Variants in CATSPERT observed in about 807,000 individuals in gnomAD.
CATSPERT encodes the protein catsper channel auxiliary subunit tau, also known as cation channel sperm-associated targeting subunit tau.
the CATSPERT span, among the ~76,000 whole-genome samples, chr2:201,536,913 T>C: frequency 2.0e-5 from 3 of 151,914 alleles, no homozygotes; most frequent in Non-Finnish European, 4.4e-5. Context: ...AATCATTAAA[T>C]CCTACTTGTC....
chr2:201,612,602 C>T, the CATSPERT span, among the ~76,000 whole-genome samples: 2 of 145,498 alleles, frequency 1.4e-5, no homozygotes, highest in Non-Finnish European at 3.0e-5. Flanking sequence ...AAAAAAAAGC[C>T]AAGATAGCCA....
At chr2:201,583,253 T>A in the CATSPERT span, among the ~76,000 whole-genome samples, 1 of 152,068 alleles carries the variant, frequency 6.6e-6, no homozygotes, top group Non-Finnish European at 1.5e-5. Context: ...CAAGACATGA[T>A]ACATTTAACA....
chr2:201,501,395 CAA>C, the CATSPERT span, among the ~76,000 whole-genome samples: 188 of 46,588 alleles, frequency 4.0e-3, no homozygotes, highest in African/African-American at 0.015. Flanking sequence ...AACTCCATCT[CAA>C]AAAAAAAAAA....
chr2:201,608,943 A>G, the CATSPERT span, among the ~76,000 whole-genome samples: 288 of 152,200 alleles, frequency 1.9e-3, 1 homozygote, highest in African/African-American at 6.4e-3. Flanking sequence ...TAAGAAACTC[A>G]TCTCATCTGT....
chr2:201,606,129 G>A, the CATSPERT span, among the ~76,000 whole-genome samples: 1 of 152,124 alleles, frequency 6.6e-6, no homozygotes. Flanking sequence ...GAGGAAAAAC[G>A]AATGTTTAAA....
the CATSPERT span, among the ~76,000 whole-genome samples, chr2:201,615,579 C>T: frequency 6.6e-6 from 1 of 152,146 alleles, no homozygotes; most frequent in African/African-American, 2.4e-5. Context: ...AAATTTATAG[C>T]ACTAAATGCC....
chr2:201,516,812 G>A, the CATSPERT span, among the ~76,000 whole-genome samples: 1 of 151,926 alleles, frequency 6.6e-6, no homozygotes, highest in African/African-American at 2.4e-5. Context: ...GGAAGGGGTG[G>A]GGCACAGATG....
the CATSPERT span, among the ~76,000 whole-genome samples, chr2:201,583,859 CAAA>C: frequency 6.6e-6 from 1 of 152,026 alleles, no homozygotes; most frequent in African/African-American, 2.4e-5. Flanking sequence ...TTTAAAGGAA[CAAA>C]AACCAAACTG....
chr2:201,581,842 A>G, the CATSPERT span, among the ~76,000 whole-genome samples: 5 of 151,722 alleles, frequency 3.3e-5, no homozygotes, highest in African/African-American at 9.7e-5. Context: ...TCCCGACCTC[A>G]GTTGATCTGC....
chr2:201,612,516 G>A, the CATSPERT span, among the ~76,000 whole-genome samples: 3 of 149,108 alleles, frequency 2.0e-5, no homozygotes, highest in East Asian at 6.1e-4. Context: ...GGAGGTTGCT[G>A]TGAGCTGAGA....
chr2:201,509,887 A>G, the CATSPERT span, among the ~76,000 whole-genome samples: 1 of 150,836 alleles, frequency 6.6e-6, no homozygotes, highest in Admixed American at 6.6e-5. Flanking sequence ...TTACTCCCCA[A>G]ATGGGGTAAC....
the CATSPERT span, among the ~76,000 whole-genome samples, chr2:201,592,252 T>C: frequency 6.6e-6 from 1 of 151,096 alleles, no homozygotes; most frequent in African/African-American, 2.4e-5. Flanking sequence ...GTGGTTTTTG[T>C]CTTTGGTTCT....
At chr2:201,583,132 C>T in the CATSPERT span, among the ~76,000 whole-genome samples, 27 of 152,328 alleles carry the variant, frequency 1.8e-4, no homozygotes, top group East Asian at 5.0e-3. Context: ...TTGACAGACA[C>T]TCAGAGAAGT....
the CATSPERT span, among the ~76,000 whole-genome samples, chr2:201,525,863 A>C: frequency 1 from 152,088 of 152,106 alleles, 76,035 homozygotes; most frequent in Non-Finnish European, 1. Flanking sequence ...GCTAGAAAAC[A>C]TAGAAAAAAT....
the CATSPERT span, among the ~76,000 whole-genome samples, chr2:201,516,501 G>A: frequency 6.6e-6 from 1 of 152,128 alleles, no homozygotes; most frequent in African/African-American, 2.4e-5. Flanking sequence ...GGGGGAAATC[G>A]CTCCCATAAT....
chr2:201,497,050 C>T, the CATSPERT span, among the ~76,000 whole-genome samples: 6 of 152,336 alleles, frequency 3.9e-5, no homozygotes, highest in African/African-American at 1.4e-4. Flanking sequence ...CTTTCCTATA[C>T]ATTATCTCCT....
chr2:201,566,654 G>T, the CATSPERT span, among the ~76,000 whole-genome samples: 3 of 151,798 alleles, frequency 2.0e-5, no homozygotes, highest in Admixed American at 2.0e-4. Context: ...GAATAGTGCC[G>T]CAATAAACAT....
chr2:201,516,297 T>C, the CATSPERT span, among the ~76,000 whole-genome samples: 3 of 152,238 alleles, frequency 2.0e-5, no homozygotes, highest in African/African-American at 7.2e-5. Context: ...CTGGGTAATT[T>C]ACAAGGAAAA....
chr2:201,556,888 T>A, the CATSPERT span: 1 of 151,616 alleles, frequency 6.6e-6, no homozygotes, highest in South Asian at 2.1e-4. Context: ...AAGAAAAAAG[T>A]AATATGTTTA....
Sources: allele counts gnomAD v4.1 joint callset (sites outside exome capture counted in the v4.1 genomes callset), GRCh38; gene constraint gnomAD v4.1.1; transcripts MANE v1.5; gene names NCBI Gene and HGNC (gene_info 2026-07-23, HGNC 2026-07-21).